Variants in PPM1B observed in about 807,000 individuals in gnomAD.
PPM1B encodes the protein protein phosphatase 1B.
PPM1B carries 22 observed loss-of-function variants against 43.0 expected under a neutral mutation model. The observed-to-expected ratio is 0.51, with a 90% CI of 0.37 to 0.73. The LOEUF is 0.73. Among genes scored for constraint, PPM1B ranks in the 30% least tolerant of loss-of-function variants. PPM1B has a pLI of 0.00. For synonymous variants in PPM1B, 217 were observed against 197.9 expected (o/e 1.10, Z -0.81); for missense variants, 632 against 584.2 (o/e 1.08, Z -0.84).
At position 44,201,405 on chromosome 2, in the gene PPM1B, A is replaced by G. The variant is rs1484322084; in HGVS notation, c.206A>G (p.Asn69Ser). 1 of 1,614,044 alleles carries G rather than the reference A, an allele frequency of 6.2e-7. No individual in the cohort carries two copies. The highest frequency in any genetic ancestry group is 1.3e-5 in the African/African-American group (1 of 74,922). ...YDGHAGSRVA[N>S]YCSTHLLEHI... ...GGTCATGCTGGATCCCGAGTGGCAA[A>G]TTACTGCTCAACACATTTATTAGAA... is the stretch of plus-strand genomic sequence containing the variant. Residue 69 changes from asparagine to serine, a missense_variant, in exon 2 of 6, where the codon AAT becomes AGT. Coordinates refer to ENST00000282412, the MANE Select transcript of PPM1B (RefSeq NM_002706.6). The surrounding 1 kb of genome is among the most constrained non-coding windows in gnomAD (Gnocchi z 5.4).
At chr2:44,204,234 T>C (rs1223226090) in intron 2 of PPM1B, among the ~76,000 whole-genome samples, 1 of 152,242 alleles carries the variant, frequency 6.6e-6, no homozygotes, top group Non-Finnish European at 1.5e-5. Flanking sequence ...TTCGTAATTT[T>C]GTCTTTCCAT....
chr2:44,246,547 C>T (rs1490145284), downstream of PPM1B, among the ~76,000 whole-genome samples: 1 of 152,174 alleles, frequency 6.6e-6, no homozygotes, highest in African/African-American at 2.4e-5. Context: ...GCAAATTGAC[C>T]AATCTTTTAC....
In PPM1B at chr2:44,211,742, CTTT is replaced by C. The variant is rs55716263; in HGVS notation, c.964+2437_964+2439del. On this transcript the variant is annotated intron_variant, in intron 3 of 5. Transcript: ENST00000282412. Reference sequence around the variant, plus strand: ...CCAACTGGTGATTTTCTGATTCTGTCTTTTTTTTTTTTTTTTTTTTTTTTATGA... The same window carrying C: ...CCAACTGGTGATTTTCTGATTCTGTCTTTTTTTTTTTTTTTTTTTTTATGA... Among the ~76,000 whole-genome samples, 337 of 78,660 alleles carry C rather than the reference CTTT, an allele frequency of 4.3e-3. 1 individual carries two copies. Among genetic ancestry groups the C allele is most frequent in the African/African-American group, 0.015 (300 of 20,060 alleles). 51.6% of individuals were successfully genotyped at this position (78,660 alleles called of 152,430 possible). A position where few individuals can be genotyped will look rare whatever the true frequency, so the allele number is the denominator to read the frequency against.
intron 2 of PPM1B, among the ~76,000 whole-genome samples, chr2:44,206,203 C>A (rs1377419656): frequency 6.6e-6 from 1 of 151,970 alleles, no homozygotes; most frequent in Non-Finnish European, 1.5e-5. Flanking sequence ...GAGCTAATTT[C>A]TTTAGTTATC....
chr2:44,244,196 A>G (rs975568510), intron 5 of PPM1B: 2 of 1,124,272 alleles, frequency 1.8e-6, no homozygotes, highest in Non-Finnish European at 2.3e-6. Context: ...CCATATATAT[A>G]TATATATTTC....
At chr2:44,177,418 C>CTTTTTT (rs35330548) in intron 1 of PPM1B, among the ~76,000 whole-genome samples, 10 of 122,554 alleles carry the variant, frequency 8.2e-5, no homozygotes, top group Non-Finnish European at 9.7e-5. Context: ...GTGAAATAAC[C>CTTTTTT]TTTTTTTTTT....
downstream of PPM1B, chr2:44,244,409 A>G: frequency 7.8e-7 from 1 of 1,286,010 alleles, no homozygotes; most frequent in Non-Finnish European, 1.0e-6. Flanking sequence ...GTTAACCTTT[A>G]ATCTTATAAC....
At chr2:44,190,768 C>T (rs1353826335) in intron 1 of PPM1B, among the ~76,000 whole-genome samples, 1 of 152,080 alleles carries the variant, frequency 6.6e-6, no homozygotes, top group Non-Finnish European at 1.5e-5. Flanking sequence ...AATTGAACAG[C>T]GCAAGTACCC....
intron 5 of PPM1B, among the ~76,000 whole-genome samples, chr2:44,241,104 A>C (rs1283215166): frequency 7.0e-6 from 1 of 143,594 alleles, no homozygotes; most frequent in African/African-American, 2.5e-5. Flanking sequence ...CCCGGGTTCA[A>C]GTGATTCTCC....
At chr2:44,245,220 T>G (rs1670834006), downstream of PPM1B, among the ~76,000 whole-genome samples, 1 of 152,180 alleles carries the variant, frequency 6.6e-6, no homozygotes, top group Admixed American at 6.5e-5. Flanking sequence ...GTTCTGAAGA[T>G]TTGTCATTTG....
intron 5 of PPM1B, 54 bp downstream of exon 5, chr2:44,218,591 T>C (rs1669832091): frequency 8.6e-7 from 1 of 1,168,240 alleles, no homozygotes; most frequent in Non-Finnish European, 1.2e-6. Context: ...ATATAAATAC[T>C]AAATATGAAT....
At chr2:44,187,471 T>C (rs1231738371) in intron 1 of PPM1B, among the ~76,000 whole-genome samples, 1 of 152,188 alleles carries the variant, frequency 6.6e-6, no homozygotes, top group Non-Finnish European at 1.5e-5. Flanking sequence ...TTGTTTTATT[T>C]ATAATTTTTT....
chr2:44,218,525 A>T lies in PPM1B; in HGVS notation c.1122A>T (p.Arg374Ser). 2 of 1,584,060 alleles carry T rather than the reference A, an allele frequency of 1.3e-6. No individual in the cohort carries two copies. Among genetic ancestry groups the T allele is most frequent in the Non-Finnish European group, 1.7e-6 (2 of 1,168,574 alleles). Residue 374 changes from arginine to serine, a missense_variant, in exon 5 of 6, where the codon AGA becomes AGT. By Grantham distance (110) the Arg-to-Ser change is moderately radical. Transcript: ENST00000282412. The part of the protein sequence containing the change: ...EAVYSRLNPH[R>S]ESDGASDEAE... ...TTTATAGTAGACTGAATCCACATAG[A>T]GAAAGTGATGGGGTAAGTTTTATTT...
At position 44,218,547 on chromosome 2, in the gene PPM1B, A is replaced by G. The variant is rs74523689; in HGVS notation, c.1134+10A>G. On this transcript the variant is annotated intron_variant, in intron 5 of 5. Transcript: ENST00000282412. ...TAGAGAAAGTGATGGGGTAAGTTTT[A>G]TTTTATTTCATAAGCATTTGAAGTA... 5.5e-3 allele frequency: 8,415 copies of G among 1,539,972 alleles called. 404 individuals carry two copies. In the African/African-American group the frequency reaches 0.11, roughly 20 times the overall value.
chr2:44,230,507 T>G lies in PPM1B; in HGVS notation c.1229T>G (p.Leu410Arg), dbSNP rs1465960986. Residue 410 changes from leucine (L) to arginine (R), a missense_variant, in exon 6 of 6, where the codon CTT (leucine) becomes CGT (arginine). This residue lies in a region of PPM1B where 392 missense variants were observed against 302.7 expected (regional missense o/e 1.29). Coordinates refer to ENST00000282412, the MANE Select transcript of PPM1B (RefSeq NM_002706.6). Reference sequence around the variant, plus strand: ...AATCATAGGGGAAACTACCGACAACTTCTGGAGGAGATGCTGACTAGTTAC... The same window carrying G: ...AATCATAGGGGAAACTACCGACAACGTCTGGAGGAGATGCTGACTAGTTAC... ...RINHRGNYRQ[L>R]LEEMLTSYRL... is the part of the protein sequence containing the mutation. The G allele has an allele frequency of 2.5e-6, 4 of 1,614,132 alleles. No individual in the cohort carries two copies. The highest frequency in any genetic ancestry group is 2.7e-5 in the African/African-American group (2 of 75,042).
rs530113063 is a variant in PPM1B at position 44,199,311 on chromosome 2, A to T, written c.-14-1875A>T. On this transcript the variant is annotated intron_variant, in intron 1 of 5. Transcript: ENST00000282412. ...CACGTGCCTGTAGATCTCAAAAAAA[A>T]AAAAAATAAAAATAAAAAAAAAAAA... 3.3e-3 allele frequency among the ~76,000 whole-genome samples: 456 copies of T among 137,830 alleles called. 3 individuals carry two copies. Among genetic ancestry groups the T allele is most frequent in the African/African-American group, 0.012 (432 of 34,630 alleles). 90.4% of individuals were successfully genotyped at this position (137,830 alleles called of 152,430 possible). A position where few individuals can be genotyped will look rare whatever the true frequency, so the allele number is the denominator to read the frequency against.
chr2:44,243,898 G>T (rs1042217775), intron 5 of PPM1B, among the ~76,000 whole-genome samples: 1 of 152,132 alleles, frequency 6.6e-6, no homozygotes, highest in African/African-American at 2.4e-5. Context: ...TGATTGAATT[G>T]TTGTATGTGT....
At chr2:44,174,667 T>G (rs1219924719) in intron 1 of PPM1B, among the ~76,000 whole-genome samples, 2 of 152,226 alleles carry the variant, frequency 1.3e-5, no homozygotes, top group African/African-American at 4.8e-5. Flanking sequence ...GTAGAGTAAT[T>G]TGTAAGAGTT....
At chr2:44,191,339 G>A (rs990688836) in intron 1 of PPM1B, among the ~76,000 whole-genome samples, 3 of 151,758 alleles carry the variant, frequency 2.0e-5, no homozygotes, top group African/African-American at 7.3e-5. Context: ...TCAGCCTGCC[G>A]AACAGCTGAG....
Sources: allele counts gnomAD v4.1 joint callset (sites outside exome capture counted in the v4.1 genomes callset), GRCh38; gene constraint gnomAD v4.1.1; regional missense constraint gnomAD v4.1.1; non-coding constraint Gnocchi (gnomAD v3.1); transcripts MANE v1.5; gene names NCBI Gene and HGNC (gene_info 2026-07-23, HGNC 2026-07-21).